Variants in PHLDB2 observed in about 807,000 individuals in gnomAD.
PHLDB2 encodes the protein pleckstrin homology-like domain family B member 2.
A neutral mutation model predicts 123.6 loss-of-function variants in PHLDB2; 71 were observed. The ratio of observed to expected loss-of-function variants is 0.57; its 90% CI spans 0.47 to 0.70. The LOEUF is 0.70. PHLDB2 is among the 30% of genes least tolerant of loss of function. The probability of loss-of-function intolerance (pLI) is 0.00; values close to 1 mark genes in which losing one functional copy is unlikely to be tolerated. For missense variants in PHLDB2, 1,446 were observed against 1,519.5 expected (o/e 0.95, Z 0.80); for synonymous variants, 547 against 541.6 (o/e 1.01, Z -0.14).
Position 111,973,832 on chromosome 3 carries a change from T to C in PHLDB2, c.3621+15T>C. 2 of 1,479,634 alleles carry C rather than the reference T, an allele frequency of 1.4e-6. No individual in the cohort carries two copies. Among genetic ancestry groups the C allele is most frequent in the Non-Finnish European group, 1.9e-6 (2 of 1,075,180 alleles). The allele number at this position is 1,479,634 out of a possible 1,614,324, so 91.7% of individuals were successfully genotyped here. A position where few individuals can be genotyped will look rare whatever the true frequency, so the allele number is the denominator to read the frequency against. ...ATGCTAATAAGGTAAACATCAGTTT[T>C]CTAAATTCCTACAATTTGAATGCAT... On this transcript the variant is annotated intron_variant, in intron 17 of 17. Coordinates refer to ENST00000431670, the MANE Select transcript of PHLDB2 (RefSeq NM_001134438.2).
chr3:111,781,435 G>C (rs1430769989), intron 1 of PHLDB2, among the ~76,000 whole-genome samples: 6 of 151,984 alleles, frequency 3.9e-5, no homozygotes, highest in Non-Finnish European at 7.4e-5. Flanking sequence ...TCCTGAGTCA[G>C]GATTGCCAGG....
chr3:111,733,920 C>T (rs1941594877), intron 1 of PHLDB2, among the ~76,000 whole-genome samples: 1 of 152,100 alleles, frequency 6.6e-6, no homozygotes, highest in Non-Finnish European at 1.5e-5. Context: ...TCTGAACTCC[C>T]TTTAGGGAAG....
At chr3:111,870,683 C>T (rs1319325667) in intron 1 of PHLDB2, among the ~76,000 whole-genome samples, 1 of 152,070 alleles carries the variant, frequency 6.6e-6, no homozygotes, top group Non-Finnish European at 1.5e-5. Flanking sequence ...CCATCTGCTG[C>T]CATTGGTCAC....
At chr3:111,944,026 T>C (rs2070105308) in intron 8 of PHLDB2, among the ~76,000 whole-genome samples, 1 of 152,194 alleles carries the variant, frequency 6.6e-6, no homozygotes, top group South Asian at 2.1e-4. Context: ...GTTAGGTATA[T>C]TTATATAATA....
intron 5 of PHLDB2, among the ~76,000 whole-genome samples, chr3:111,928,449 T>C (rs1417029059): frequency 6.6e-6 from 1 of 152,218 alleles, no homozygotes; most frequent in Non-Finnish European, 1.5e-5. Context: ...TTACTAAGCC[T>C]TCTATCCCTG....
chr3:111,775,719 T>C (rs1311661520), intron 1 of PHLDB2, among the ~76,000 whole-genome samples: 1 of 152,182 alleles, frequency 6.6e-6, no homozygotes, highest in Non-Finnish European at 1.5e-5. Flanking sequence ...GCTTAAAGTT[T>C]GACCCAGAGA....
chr3:111,843,537 A>G (rs2063792163), intron 1 of PHLDB2, among the ~76,000 whole-genome samples: 1 of 152,172 alleles, frequency 6.6e-6, no homozygotes, highest in Non-Finnish European at 1.5e-5. Context: ...ACACAGGCAC[A>G]TGGCAGCATG....
intron 1 of PHLDB2, among the ~76,000 whole-genome samples, chr3:111,838,792 C>T (rs960064057): frequency 6.6e-6 from 1 of 152,056 alleles, no homozygotes; most frequent in African/African-American, 2.4e-5. Flanking sequence ...AGAATAGACT[C>T]TGAGATTTTC....
intron 1 of PHLDB2, among the ~76,000 whole-genome samples, chr3:111,752,448 A>G (rs2059797325): frequency 6.6e-6 from 1 of 152,124 alleles, no homozygotes; most frequent in African/African-American, 2.4e-5. Flanking sequence ...TTGACATTTT[A>G]GTACATGTAG....
intron 1 of PHLDB2, among the ~76,000 whole-genome samples, chr3:111,831,873 T>C (rs971117200): frequency 1.3e-5 from 2 of 152,204 alleles, no homozygotes; most frequent in Admixed American, 6.5e-5. Flanking sequence ...TCTCCTATTA[T>C]GTTGAATCCA....
intron 1 of PHLDB2, chr3:111,859,972 A>T: frequency 4.6e-6 from 4 of 874,240 alleles, no homozygotes; most frequent in Non-Finnish European, 5.4e-6. Context: ...CAGGCTGCGC[A>T]GCTGGGTGGG....
intron 1 of PHLDB2, among the ~76,000 whole-genome samples, chr3:111,827,685 CAAAAAAAAAAA>C (rs565813163): frequency 8.2e-5 from 6 of 73,172 alleles, no homozygotes; most frequent in African/African-American, 1.2e-4. Flanking sequence ...GAATCCGTCT[CAAAAAAAAAAA>C]AAAAAAAAAA....
intron 1 of PHLDB2, among the ~76,000 whole-genome samples, chr3:111,830,776 T>G (rs1480566960): frequency 1.0e-5 from 1 of 100,492 alleles, no homozygotes; most frequent in Non-Finnish European, 1.8e-5. Flanking sequence ...GCCACTGCAC[T>G]CCAGCCTGGG....
intron 1 of PHLDB2, among the ~76,000 whole-genome samples, chr3:111,825,867 A>G (rs769146390): frequency 2.0e-5 from 3 of 152,218 alleles, no homozygotes; most frequent in Non-Finnish European, 4.4e-5. Flanking sequence ...GAAAAGAAAA[A>G]TAAGGTTGAA....
At chr3:111,859,156 G>A (rs1358725865), upstream of PHLDB2, 30 of 984,100 alleles carry the variant, frequency 3.0e-5, no homozygotes, top group East Asian at 1.1e-4. Flanking sequence ...CGGTCACCTG[G>A]AGTTTCCCAA....
In PHLDB2 at chr3:111,878,398, AT is replaced by A. The variant is rs199989112; in HGVS notation, c.-14-5664del. 9.2e-5 allele frequency among the ~76,000 whole-genome samples: 14 copies of A among 152,276 alleles called. No individual in the cohort carries two copies. The East Asian group carries it at 2.7e-3, about 29-fold the overall frequency. ...GAATGCTTGTGATTTTTGCACATTG[AT>A]TCTGTATCCTGAGACTTCGCTGAAG... On this transcript the variant is annotated intron_variant, in intron 1 of 17. Coordinates refer to ENST00000431670, the MANE Select transcript of PHLDB2 (RefSeq NM_001134438.2).
intron 1 of PHLDB2, among the ~76,000 whole-genome samples, chr3:111,834,299 AATATATATAATTCTATT>A (rs1472717223): frequency 5.1e-5 from 7 of 136,664 alleles, no homozygotes; most frequent in African/African-American, 1.6e-4. Context: ...TTATATACAT[AATATATATAATTCTATT>A]ATATATATAA....
chr3:111,808,072 A>T (rs1199297618), intron 1 of PHLDB2, among the ~76,000 whole-genome samples: 1 of 151,186 alleles, frequency 6.6e-6, no homozygotes, highest in Non-Finnish European at 1.5e-5. Context: ...AGAAATTCTG[A>T]TTTCATCGGT....
chr3:111,838,267 C>T (rs560812131), intron 1 of PHLDB2, among the ~76,000 whole-genome samples: 302 of 152,274 alleles, frequency 2.0e-3, no homozygotes, highest in African/African-American at 6.9e-3. Context: ...TCCTGATCGG[C>T]TGGGACTATA....
Sources: gnomAD v4.1 joint callset for allele counts (sites outside exome capture counted in the v4.1 genomes callset) on GRCh38, gnomAD v4.1.1 for gene constraint, MANE v1.5 for transcripts, NCBI Gene and HGNC (gene_info 2026-07-23, HGNC 2026-07-21) for gene names.